SLC45A4: variants seen among roughly 807,000 people sequenced by gnomAD.
SLC45A4 encodes solute carrier family 45 member 4, also known as polyamine-transporter SLC45A4.
Under a neutral mutation model 63.7 loss-of-function variants are expected in SLC45A4, and 32 were observed. That is an observed-to-expected ratio of 0.50 (90% confidence interval 0.38 to 0.67). SLC45A4 has a LOEUF of 0.67. Among genes scored for constraint, SLC45A4 ranks in the 30% least tolerant of loss-of-function variants. The probability of loss-of-function intolerance (pLI) is 0.00; values close to 1 mark genes in which losing one functional copy is unlikely to be tolerated. For missense variants in SLC45A4, 1,027 were observed against 1,157.7 expected (o/e 0.89, Z 1.64); for synonymous variants, 535 against 510.0 (o/e 1.05, Z -0.66).
At chr8:141,222,893 C>T (rs749417100) in intron 2 of SLC45A4, among the ~76,000 whole-genome samples, 8 of 152,328 alleles carry the variant, frequency 5.3e-5, no homozygotes, top group Non-Finnish European at 1.0e-4. Context: ...GGGAGTCCCA[C>T]GCTCCAGTCA....
rs563195086 is a variant in SLC45A4 at position 141,275,632 on chromosome 8, C to T, written c.-400-21003G>A. Among the ~76,000 whole-genome samples, 5 of 151,836 alleles carry T rather than the reference C, an allele frequency of 3.3e-5. No homozygotes were observed. In the East Asian group the frequency reaches 9.7e-4, roughly 29 times the overall value. Reference sequence around the variant, plus strand: ...CTCAAAAAAAAAAAACAACAACAACCATGAAACACTACAGAGCAATGCTTA... The same window carrying T: ...CTCAAAAAAAAAAAACAACAACAACTATGAAACACTACAGAGCAATGCTTA... On this transcript the variant is annotated intron_variant, in intron 1 of 8. Coordinates refer to ENST00000517878, the MANE Select transcript of SLC45A4 (RefSeq NM_001286646.2).
Position 141,211,364 on chromosome 8 carries a change from C to T in SLC45A4, c.*208G>A, listed in dbSNP as rs754124446. The T allele has an allele frequency of 9.6e-6, 14 of 1,458,890 alleles. No individual in the cohort carries two copies. The highest frequency in any genetic ancestry group is 4.3e-5 in the African/African-American group (3 of 70,140). 90.4% of individuals were successfully genotyped at this position (1,458,890 alleles called of 1,614,324 possible). ...ACACTCACACGCGCACGCAGGAGCT[C>T]GTCTGGAGCTCACGCTCCGCCCCCA... On this transcript the variant is annotated 3_prime_UTR_variant, in exon 9 of 9. Transcript: ENST00000517878.
At position 141,227,279 on chromosome 8, in the gene SLC45A4, C is replaced by T. The variant is rs868552659; in HGVS notation, c.242-5514G>A. On this transcript the variant is annotated intron_variant, in intron 2 of 8. Transcript: ENST00000517878. This position sits in a 1 kb window ranked among gnomAD's most constrained non-coding sequence, Gnocchi z 4.4. ...GTGTGGCGGCTCCTGTTCACAGTGC[C>T]GTGTGTGATAAACTGGGACTTTCTG... Among the ~76,000 whole-genome samples the T allele has an allele frequency of 1.6e-4, 25 of 151,528 alleles. No individual in the cohort carries two copies. The highest frequency in any genetic ancestry group is 1.8e-4 in the Non-Finnish European group (12 of 67,950).
rs188261253 is a variant in SLC45A4, at chr8:141,213,104, A to T, written c.1942-548T>A. Among the ~76,000 whole-genome samples the T allele has an allele frequency of 2.0e-5, 3 of 152,368 alleles. No individual in the cohort carries two copies. In the East Asian group the frequency reaches 5.8e-4, roughly 29 times the overall value. On this transcript the variant is annotated intron_variant, in intron 7 of 8. Coordinates refer to ENST00000517878, the MANE Select transcript of SLC45A4 (RefSeq NM_001286646.2). ...TCTGCAAAGGCTTTTTCCTAGAGAT[A>T]GTGAAAAAAAGGTCAGTCCACTAAG...
In SLC45A4 at chr8:141,215,612, T is replaced by G; in HGVS notation, c.1941+147A>C. ...AGGGGCAGGTGGTGGCTCTGTGGGC[T>G]TTGGAAGGGGCCATCTCAGAACCGG... On this transcript the variant is annotated intron_variant, in intron 7 of 8. Transcript: ENST00000517878. This position sits in a 1 kb window ranked among gnomAD's most constrained non-coding sequence, Gnocchi z 4.3. 1 of 799,616 alleles carries G rather than the reference T, an allele frequency of 1.3e-6. No individual in the cohort carries two copies. The highest frequency in any genetic ancestry group is 2.0e-6 in the Non-Finnish European group (1 of 499,860). The allele number at this position is 799,616 out of a possible 1,614,324, so 49.5% of individuals were successfully genotyped here.
At chr8:141,289,509 C>T (rs898032477) in intron 1 of SLC45A4, among the ~76,000 whole-genome samples, 14 of 152,292 alleles carry the variant, frequency 9.2e-5, no homozygotes, top group Non-Finnish European at 1.0e-4. Context: ...TGAGAATTAT[C>T]AGTTTTATTT....
At chr8:141,230,796 T>C (rs2154614315) in intron 2 of SLC45A4, among the ~76,000 whole-genome samples, 1 of 152,312 alleles carries the variant, frequency 6.6e-6, no homozygotes, top group East Asian at 1.9e-4. Context: ...AGAAGAGAAA[T>C]GCTGCCAGAG....
chr8:141,241,893 G>A (rs1827935947), intron 2 of SLC45A4, among the ~76,000 whole-genome samples: 1 of 152,222 alleles, frequency 6.6e-6, no homozygotes, highest in Admixed American at 6.5e-5. Context: ...GTGGGGGCAG[G>A]GCCATTCCTG....
chr8:141,290,571 C>T (rs774245322), intron 1 of SLC45A4, among the ~76,000 whole-genome samples: 10 of 152,216 alleles, frequency 6.6e-5, no homozygotes, highest in Non-Finnish European at 7.3e-5. Flanking sequence ...CGGCCAGTTT[C>T]GGTCATGACA....
intron 7 of SLC45A4, among the ~76,000 whole-genome samples, chr8:141,213,018 G>T (rs1198579513): frequency 2.0e-5 from 3 of 152,170 alleles, no homozygotes; most frequent in Admixed American, 6.5e-5. Context: ...AGTTTCACTT[G>T]TGTTTCTTGC....
chr8:141,220,735 G>T (rs1489870955), intron 3 of SLC45A4, among the ~76,000 whole-genome samples: 1 of 152,244 alleles, frequency 6.6e-6, no homozygotes, highest in Non-Finnish European at 1.5e-5. Flanking sequence ...GAGGCAGAGG[G>T]GCTGGGGCTC....
Position 141,218,447 on chromosome 8 carries a change from T to A in SLC45A4, c.1193A>T (p.Tyr398Phe). The A allele has an allele frequency of 6.2e-7, 1 of 1,612,678 alleles. No individual in the cohort carries two copies. The highest frequency in any genetic ancestry group is 8.5e-7 in the Non-Finnish European group (1 of 1,179,922). ...GSPTKDALGG[Y>F]TRVDTKPSAT... ...CGAGGGCTTCGTGTCCACCCTGGTGTAGCCGCCGAGGGCGTCTTTTGTGGG... is the reference window on the plus strand; with the variant it reads ...CGAGGGCTTCGTGTCCACCCTGGTGAAGCCGCCGAGGGCGTCTTTTGTGGG... Residue 398 changes from tyrosine (Y) to phenylalanine (F), a missense_variant, in exon 5 of 9, where the codon TAC (tyrosine) becomes TTC (phenylalanine). Physicochemically the swap from Tyr to Phe is conservative, Grantham distance 22. Transcript: ENST00000517878.
In SLC45A4 at chr8:141,217,111, C is replaced by T. The variant is rs149834958; in HGVS notation, c.1708G>A (p.Ala570Thr). ...MGCWGLVIYA[A>T]TGAICSALLQ... ...TTACCTGAACAAATAGCACCAGTGG[C>T]GGCATAAATGACCAGGCCCCAGCAG... Residue 570 changes from alanine (A) to threonine (T), a missense_variant, in exon 6 of 9, where the codon GCC (alanine) becomes ACC (threonine). Physicochemically the swap from Ala to Thr is moderately conservative, Grantham distance 58. Coordinates refer to ENST00000517878, the MANE Select transcript of SLC45A4 (RefSeq NM_001286646.2). 6.8e-6 allele frequency: 11 copies of T among 1,613,816 alleles called. No homozygotes were observed. The highest frequency in any genetic ancestry group is 2.7e-5 in the African/African-American group (2 of 74,916).
At chr8:141,290,193 TAAAGG>T in intron 1 of SLC45A4, among the ~76,000 whole-genome samples, 1 of 152,236 alleles carries the variant, frequency 6.6e-6, no homozygotes, top group East Asian at 1.9e-4. Context: ...GCACTGTATA[TAAAGG>T]AATCTATTTT....
chr8:141,305,098 T>C (rs1830859707), intron 1 of SLC45A4, among the ~76,000 whole-genome samples: 1 of 152,214 alleles, frequency 6.6e-6, no homozygotes, highest in Non-Finnish European at 1.5e-5. Context: ...TGAAAGTGCC[T>C]GATTTCACAA....
intron 2 of SLC45A4, chr8:141,226,266 G>T (rs943657375): frequency 6.6e-6 from 1 of 152,312 alleles, no homozygotes; most frequent in Non-Finnish European, 1.5e-5. Context: ...ATTCAAAGGG[G>T]ATCAGTGGAG....
intron 1 of SLC45A4, among the ~76,000 whole-genome samples, chr8:141,302,833 C>G (rs1589870212): frequency 6.6e-6 from 1 of 152,128 alleles, no homozygotes; most frequent in African/African-American, 2.4e-5. Context: ...TCAAACCCCT[C>G]CCCTCAAAAA....
intron 4 of SLC45A4, among the ~76,000 whole-genome samples, 192 bp downstream of exon 4, chr8:141,219,458 T>G (rs1320523082): frequency 1.3e-5 from 2 of 152,098 alleles, no homozygotes; most frequent in Non-Finnish European, 2.9e-5. Context: ...CCTCAGTGCC[T>G]TGGCCCCACT....
Position 141,255,435 on chromosome 8 carries a change from G to C in SLC45A4, c.-400-806C>G, listed in dbSNP as rs973337218. On this transcript the variant is annotated intron_variant, in intron 1 of 8. Coordinates refer to ENST00000517878, the MANE Select transcript of SLC45A4 (RefSeq NM_001286646.2). ...AGGTGGAAATTAAAAATAAAAAGCA[G>C]CTGGGCACGGTGGCTTAAGTCTGTA... is the stretch of plus-strand genomic sequence containing the variant. 1.5e-4 allele frequency among the ~76,000 whole-genome samples: 23 copies of C among 152,208 alleles called. 1 individual carries two copies. The highest frequency in any genetic ancestry group is 5.3e-4 in the African/African-American group (22 of 41,452).
Sources: allele counts gnomAD v4.1 joint callset (sites outside exome capture counted in the v4.1 genomes callset), GRCh38; gene constraint gnomAD v4.1.1; non-coding constraint Gnocchi (gnomAD v3.1); transcripts MANE v1.5; gene names NCBI Gene and HGNC (gene_info 2026-07-23, HGNC 2026-07-21).